ARHGAP15: variants seen among roughly 807,000 people sequenced by gnomAD.
ARHGAP15 encodes Rho GTPase activating protein 15.
ARHGAP15 carries 51 observed loss-of-function variants against 63.7 expected under a neutral mutation model. That is an observed-to-expected ratio of 0.80 (90% CI 0.64 to 1.01). The LOEUF is 1.01. Among genes scored for constraint, ARHGAP15 ranks in the 50% least tolerant of loss-of-function variants. ARHGAP15 has a pLI of 0.00. For missense variants in ARHGAP15, 560 were observed against 564.6 expected (o/e 0.99, Z 0.08); for synonymous variants, 191 against 193.8 (o/e 0.99, Z 0.12).
intron 6 of ARHGAP15, among the ~76,000 whole-genome samples, chr2:143,299,559 TATG>T (rs1260787700): frequency 1.3e-5 from 2 of 152,022 alleles, no homozygotes; most frequent in Non-Finnish European, 2.9e-5. Context: ...CCCCTTATTA[TATG>T]AAGTTTCACC....
intron 10 of ARHGAP15, among the ~76,000 whole-genome samples, chr2:143,527,407 T>G (rs1036765402): frequency 1.3e-5 from 2 of 152,000 alleles, no homozygotes; most frequent in Non-Finnish European, 2.9e-5. Flanking sequence ...TTCAAAATAA[T>G]CATTTATTTT....
chr2:143,211,609 G>A (rs933896488), intron 3 of ARHGAP15, among the ~76,000 whole-genome samples: 2 of 152,146 alleles, frequency 1.3e-5, no homozygotes, highest in African/African-American at 2.4e-5. Context: ...ATGATGCAGA[G>A]TTCTTTTAGA....
At chr2:143,356,649 C>T (rs934160289) in intron 6 of ARHGAP15, among the ~76,000 whole-genome samples, 7 of 152,022 alleles carry the variant, frequency 4.6e-5, no homozygotes, top group African/African-American at 1.7e-4. Flanking sequence ...GAAAAAGAAA[C>T]GCTTACCTTT....
chr2:143,696,028 G>A (rs1683829901), intron 12 of ARHGAP15, among the ~76,000 whole-genome samples: 1 of 152,132 alleles, frequency 6.6e-6, no homozygotes, highest in South Asian at 2.1e-4. Flanking sequence ...AAGAAGTTAA[G>A]CATAATAATT....
At chr2:143,663,598 C>A (rs1454360189) in intron 12 of ARHGAP15, among the ~76,000 whole-genome samples, 1 of 151,816 alleles carries the variant, frequency 6.6e-6, no homozygotes, top group African/African-American at 2.4e-5. Context: ...ACTAAATTTT[C>A]CAATTAAAAG....
intron 3 of ARHGAP15, 54 bp downstream of exon 3, chr2:143,202,256 C>A: frequency 7.1e-7 from 1 of 1,407,522 alleles, no homozygotes. Flanking sequence ...TAAATTGCCA[C>A]AAAACTCAGC....
rs150300818 is a variant in ARHGAP15, at chr2:143,178,215, G to T, written c.165+22560G>T. On this transcript the variant is annotated intron_variant, in intron 2 of 13. Transcript: ENST00000295095. ...CCATAATTATCTATCAATGGTCAAG[G>T]TCCTCCACAAAACTCTAAGTTTCTA... Among the ~76,000 whole-genome samples the T allele has an allele frequency of 7.7e-3, 1,167 of 152,136 alleles. 14 individuals carry two copies. Among genetic ancestry groups the T allele is most frequent in the African/African-American group, 0.027 (1,101 of 41,492 alleles).
chr2:143,621,613 G>A (rs548849675), intron 11 of ARHGAP15, among the ~76,000 whole-genome samples: 1 of 152,106 alleles, frequency 6.6e-6, no homozygotes, highest in Non-Finnish European at 1.5e-5. Context: ...TTGCCGAAGG[G>A]CTACAAATTA....
chr2:143,453,979 G>A (rs988536952), intron 8 of ARHGAP15, among the ~76,000 whole-genome samples: 1 of 151,974 alleles, frequency 6.6e-6, no homozygotes. Context: ...ATAGAATGTG[G>A]AAATACAAAG....
In ARHGAP15 at chr2:143,699,254, G is replaced by GA. The variant is rs576010969; in HGVS notation, c.1139-4157dup. Among the ~76,000 whole-genome samples, 24 of 151,638 alleles carry GA rather than the reference G, an allele frequency of 1.6e-4. No homozygotes were observed. In the East Asian group the frequency reaches 2.3e-3, roughly 15 times the overall value. ...GAGTGGGTGTGGTATTGATTTGAAT[G>GA]AAAAAAAACACTGCTTTACTATAAC... On this transcript the variant is annotated intron_variant, in intron 12 of 13. Coordinates refer to ENST00000295095, the MANE Select transcript of ARHGAP15 (RefSeq NM_018460.4).
chr2:143,268,695 T>C (rs189847865), intron 6 of ARHGAP15, among the ~76,000 whole-genome samples: 92 of 152,274 alleles, frequency 6.0e-4, no homozygotes, highest in Non-Finnish European at 1.1e-3. Flanking sequence ...ATGTATGAGA[T>C]GGTTGTTAGA....
At chr2:143,382,443 T>G (rs1687100567) in intron 6 of ARHGAP15, among the ~76,000 whole-genome samples, 1 of 152,174 alleles carries the variant, frequency 6.6e-6, no homozygotes, top group Non-Finnish European at 1.5e-5. Flanking sequence ...CATGGTGTTC[T>G]CCTTGTGTGT....
At chr2:143,686,771 T>C (rs1295343134) in intron 12 of ARHGAP15, among the ~76,000 whole-genome samples, 9 of 152,178 alleles carry the variant, frequency 5.9e-5, no homozygotes. Flanking sequence ...CTCTTAAATA[T>C]TCCAGATACA....
intron 13 of ARHGAP15, among the ~76,000 whole-genome samples, chr2:143,737,268 A>C (rs1325674587): frequency 6.6e-6 from 1 of 152,240 alleles, no homozygotes; most frequent in Non-Finnish European, 1.5e-5. Flanking sequence ...CTCTTCATTT[A>C]CATGAATGCT....
chr2:143,359,927 T>C (rs1288419537), intron 6 of ARHGAP15, among the ~76,000 whole-genome samples: 3 of 152,150 alleles, frequency 2.0e-5, no homozygotes, highest in Non-Finnish European at 4.4e-5. Context: ...TGAGGAAATA[T>C]GATATTTACA....
chr2:143,259,828 T>G (rs891124810), intron 6 of ARHGAP15, among the ~76,000 whole-genome samples: 1 of 152,208 alleles, frequency 6.6e-6, no homozygotes, highest in Non-Finnish European at 1.5e-5. Context: ...AAGAAGTTAC[T>G]CTTGGCTGTT....
chr2:143,213,013 C>T (rs1310426597), intron 3 of ARHGAP15, among the ~76,000 whole-genome samples: 1 of 152,136 alleles, frequency 6.6e-6, no homozygotes, highest in Non-Finnish European at 1.5e-5. Flanking sequence ...ATGACTTAAG[C>T]AGGGCATGGT....
chr2:143,320,410 C>CCGCCCCCCCCCCCG (rs1553463623), intron 6 of ARHGAP15, among the ~76,000 whole-genome samples: 7 of 19,044 alleles, frequency 3.7e-4, no homozygotes, highest in East Asian at 1.9e-3. Flanking sequence ...ACTTCCCCAC[C>CCGCCCCCCCCCCCG]CCCCCCCCCC....
At chr2:143,620,730 C>T (rs1014974668) in intron 11 of ARHGAP15, among the ~76,000 whole-genome samples, 4 of 152,152 alleles carry the variant, frequency 2.6e-5, no homozygotes, top group East Asian at 1.9e-4. Flanking sequence ...ATGATGATAA[C>T]AATAGCATCT....
Sources: allele counts gnomAD v4.1 joint callset (sites outside exome capture counted in the v4.1 genomes callset), GRCh38; gene constraint gnomAD v4.1.1; transcripts MANE v1.5; gene names NCBI Gene and HGNC (gene_info 2026-07-23, HGNC 2026-07-21).